The following SMN2 variants were observed in gnomAD, a reference collection of about 807,000 sequenced individuals.
SMN2 encodes the protein survival of motor neuron 2, centromeric.
SMN2 carries 1 observed loss-of-function variant against 2.8 expected under a neutral mutation model. That is an observed-to-expected ratio of 0.35 (90% CI 0.13 to 1.68). SMN2 has a LOEUF of 1.68. SMN2 is among the 40% of genes most tolerant of loss of function. The pLI is 0.35. For synonymous variants in SMN2, 5 were observed against 5.0 expected (o/e 0.99, Z 0.01); for missense variants, 12 against 16.9 (o/e 0.71, Z 0.51).
Position 70,076,471 on chromosome 5 carries a change from A to G in SMN2, c.835-50A>G. 4 of 1,225,516 alleles carry G rather than the reference A, an allele frequency of 3.3e-6. 1 individual carries two copies. The highest frequency in any genetic ancestry group is 4.6e-6 in the Non-Finnish European group (4 of 870,894). 75.9% of individuals were successfully genotyped at this position (1,225,516 alleles called of 1,614,324 possible). On this transcript the variant is annotated intron_variant, in intron 7 of 8. Transcript: ENST00000380743. ...CATATAAAGCTATCTATATATAGCT[A>G]TCTATATCTATATAGCTATTTTTTT...
At position 70,076,749 on chromosome 5, in the gene SMN2, C is replaced by G. The variant is rs1373193369; in HGVS notation, c.*3+175C>G. 2.0e-4 allele frequency: 248 copies of G among 1,242,060 alleles called. 69 individuals are homozygous for G. In the African/African-American group the frequency reaches 4.7e-3, roughly 24 times the overall value. 76.9% of individuals were successfully genotyped at this position (1,242,060 alleles called of 1,614,324 possible). Reference sequence around the variant, plus strand: ...CAAAACTATTAGATAAAAGGTTAATCTACATCCCTACTAGAATTCTCATAC... The same window carrying G: ...CAAAACTATTAGATAAAAGGTTAATGTACATCCCTACTAGAATTCTCATAC... On this transcript the variant is annotated intron_variant, in intron 8 of 8. Coordinates refer to ENST00000380743, the MANE Select transcript of SMN2 (RefSeq NM_017411.4).
the SMN2 span, among the ~76,000 whole-genome samples, chr5:70,085,135 A>C: frequency 7.7e-6 from 1 of 129,716 alleles, no homozygotes; most frequent in Non-Finnish European, 1.6e-5. Flanking sequence ...TCCAAGGTGC[A>C]TGCGGGCTGT....
downstream of SMN2, among the ~76,000 whole-genome samples, chr5:70,080,333 A>T (rs552699983): frequency 1.5e-5 from 2 of 130,392 alleles, no homozygotes; most frequent in Admixed American, 1.6e-4. Flanking sequence ...TCTCAAAAAG[A>T]AAAAAAGTAA....
chr5:70,088,535 T>C, the SMN2 span, among the ~76,000 whole-genome samples: 1 of 95,842 alleles, frequency 1.0e-5, no homozygotes, highest in African/African-American at 5.0e-5. Flanking sequence ...CCTCCCGGGT[T>C]CAAGTGATTT....
chr5:70,077,929 G>T (rs1774803554), downstream of SMN2: 1 of 115,130 alleles, frequency 8.7e-6, no homozygotes, highest in African/African-American at 4.6e-5. Context: ...TAGAGATGGA[G>T]TTTCACCATG....
the SMN2 span, among the ~76,000 whole-genome samples, chr5:70,083,751 A>G: frequency 1.5e-5 from 2 of 129,436 alleles, no homozygotes; most frequent in Non-Finnish European, 3.1e-5. Flanking sequence ...GAATTGAACA[A>G]TGAGAACACA....
In SMN2 at chr5:70,074,891, C is replaced by G. The variant is rs1321337053; in HGVS notation, c.835-1630C>G. Reference sequence around the variant, plus strand: ...CCTGTAATCCCAGCTACTTGGGAGGCTGAGGCAGGAGAATTGCTTGAACCG... The same window carrying G: ...CCTGTAATCCCAGCTACTTGGGAGGGTGAGGCAGGAGAATTGCTTGAACCG... On this transcript the variant is annotated intron_variant, in intron 7 of 8. Transcript: ENST00000380743. Among the ~76,000 whole-genome samples the G allele has an allele frequency of 9.7e-5, 12 of 123,712 alleles. 2 individuals are homozygous for G. The highest frequency in any genetic ancestry group is 1.5e-4 in the Non-Finnish European group (9 of 58,860). 81.2% of individuals were successfully genotyped at this position (123,712 alleles called of 152,430 possible). A position where few individuals can be genotyped will look rare whatever the true frequency, so the allele number is the denominator to read the frequency against.
chr5:70,082,160 T>G (rs1482484601), downstream of SMN2, among the ~76,000 whole-genome samples: 1 of 127,394 alleles, frequency 7.8e-6, no homozygotes, highest in Non-Finnish European at 1.6e-5. Context: ...TATGCTGGAT[T>G]ACATTTATTG....
At chr5:70,083,992 A>T in the SMN2 span, among the ~76,000 whole-genome samples, 984 of 99,162 alleles carry the variant, frequency 9.9e-3, 12 homozygotes, top group South Asian at 0.045. Context: ...TTAAAAATTT[A>T]AAAAAAAGCT....
At chr5:70,052,984 C>T (rs1434957089) in intron 1 of SMN2, among the ~76,000 whole-genome samples, 3 of 80,456 alleles carry the variant, frequency 3.7e-5, no homozygotes, top group South Asian at 4.1e-4. Flanking sequence ...AGTTGCAGAG[C>T]CTAGAAGGTG....
intron 1 of SMN2, among the ~76,000 whole-genome samples, chr5:70,052,547 A>G (rs1774473442): frequency 3.6e-5 from 1 of 28,138 alleles, no homozygotes; most frequent in African/African-American, 1.1e-4. Flanking sequence ...GTCTTTAAAA[A>G]AAAAAAAAAA....
chr5:70,052,633 A>T (rs1774478847), intron 1 of SMN2, among the ~76,000 whole-genome samples: 1 of 31,558 alleles, frequency 3.2e-5, no homozygotes, highest in Non-Finnish European at 7.6e-5. Flanking sequence ...GAGGCAGGAG[A>T]ATCAGTTGAA....
In SMN2 at chr5:70,076,548, A is replaced by G; in HGVS notation, c.862A>G (p.Arg288Gly). The G allele has an allele frequency of 6.8e-7, 1 of 1,464,948 alleles. No homozygotes were observed. Among genetic ancestry groups the G allele is most frequent in the Non-Finnish European group, 9.3e-7 (1 of 1,078,492 alleles). The allele number at this position is 1,464,948 out of a possible 1,614,324, so 90.7% of individuals were successfully genotyped here. A position where few individuals can be genotyped will look rare whatever the true frequency, so the allele number is the denominator to read the frequency against. ...MGFRQNQKEG[R>G]CSHSLN ...TTTTAGACAAAATCAAAAAGAAGGA[A>G]GGTGCTCACATTCCTTAAATTAAGG... Residue 288 changes from arginine (R) to glycine (G), a missense_variant, in exon 8 of 9, where the codon AGG (arginine) becomes GGG (glycine). Transcript: ENST00000380743.
chr5:70,084,287 A>G, the SMN2 span, among the ~76,000 whole-genome samples: 2 of 81,348 alleles, frequency 2.5e-5, 1 homozygote, highest in South Asian at 8.2e-4. Flanking sequence ...CCCAGGTTCA[A>G]GCAGTGCTCC....
chr5:70,074,747 C>G (rs79977177), intron 7 of SMN2, among the ~76,000 whole-genome samples: 39,061 of 126,814 alleles, frequency 0.31, 11,583 homozygotes, highest in East Asian at 0.56. Flanking sequence ...AATCCCAACA[C>G]TTTGGGAGGC....
the SMN2 span, among the ~76,000 whole-genome samples, chr5:70,083,712 A>T: frequency 7.6e-6 from 1 of 131,250 alleles, no homozygotes; most frequent in Non-Finnish European, 1.6e-5. Flanking sequence ...ACAAAAAACC[A>T]AACACCGCAT....
At chr5:70,083,924 C>T in the SMN2 span, among the ~76,000 whole-genome samples, 1 of 122,742 alleles carries the variant, frequency 8.1e-6, no homozygotes, top group East Asian at 2.2e-4. Context: ...GCACATTGTG[C>T]ACATGTACCC....
At chr5:70,079,204 G>A (rs1407350362), downstream of SMN2, among the ~76,000 whole-genome samples, 2 of 138,100 alleles carry the variant, frequency 1.4e-5, no homozygotes, top group African/African-American at 3.0e-5. Flanking sequence ...AGGCCGAGGC[G>A]GGTGGATCAC....
At position 70,075,861 on chromosome 5, in the gene SMN2, A is replaced by AT. The variant is rs1272689316; in HGVS notation, c.835-651dup. Among the ~76,000 whole-genome samples, 126 of 107,666 alleles carry AT rather than the reference A, an allele frequency of 1.2e-3. 17 individuals are homozygous for AT. In the East Asian group the frequency reaches 0.017, roughly 14 times the overall value. 70.6% of individuals were successfully genotyped at this position (107,666 alleles called of 152,430 possible). A position where few individuals can be genotyped will look rare whatever the true frequency, so the allele number is the denominator to read the frequency against. On this transcript the variant is annotated intron_variant, in intron 7 of 8. Transcript: ENST00000380743. ...GGCTAATTTTTATTTTTATTTATTT[A>AT]TTTTTTTTTGAGACAGAGTCTTGCT... is the stretch of plus-strand genomic sequence containing the variant.
Sources: gnomAD v4.1 joint callset for allele counts (sites outside exome capture counted in the v4.1 genomes callset) on GRCh38, gnomAD v4.1.1 for gene constraint, MANE v1.5 for transcripts, NCBI Gene and HGNC (gene_info 2026-07-23, HGNC 2026-07-21) for gene names.